GTF3C5: variants seen among roughly 807,000 people sequenced by gnomAD.
GTF3C5 encodes general transcription factor 3C polypeptide 5.
Under a neutral mutation model 61.0 loss-of-function variants are expected in GTF3C5, and 47 were observed. That is an observed-to-expected ratio of 0.77 (90% CI 0.61 to 0.98). The LOEUF (loss-of-function observed/expected upper bound fraction) is 0.98. GTF3C5 is among the 50% of genes least tolerant of loss of function. The probability of loss-of-function intolerance (pLI) is 0.00; values close to 1 mark genes in which losing one functional copy is unlikely to be tolerated. For synonymous variants in GTF3C5, 295 were observed against 275.4 expected (o/e 1.07, Z -0.71); for missense variants, 659 against 703.3 (o/e 0.94, Z 0.71).
intron 8 of GTF3C5, chr9:133,055,562 A>T (rs2119036608): frequency 1.0e-6 from 1 of 985,422 alleles, no homozygotes; most frequent in African/African-American, 1.7e-5. Flanking sequence ...ATGGCTGGGT[A>T]CGGAAAGGAG....
chr9:133,034,756 G>A (rs1285042383), intron 1 of GTF3C5, among the ~76,000 whole-genome samples: 3 of 152,310 alleles, frequency 2.0e-5, no homozygotes, highest in Middle Eastern at 3.4e-3. Flanking sequence ...TAGAGCTGGC[G>A]TCTGTGCTCA....
At chr9:133,035,408 A>G (rs1849837546) in intron 1 of GTF3C5, among the ~76,000 whole-genome samples, 1 of 152,154 alleles carries the variant, frequency 6.6e-6, no homozygotes, top group Admixed American at 6.5e-5. Context: ...GTCTTTTTGC[A>G]TATTAGACAA....
intron 3 of GTF3C5, among the ~76,000 whole-genome samples, chr9:133,044,780 C>T (rs942256228): frequency 2.6e-5 from 4 of 152,276 alleles, no homozygotes; most frequent in African/African-American, 9.6e-5. Flanking sequence ...GCGTCCCCTC[C>T]AGAACACGGT....
At chr9:133,056,975 C>CCT in intron 10 of GTF3C5, 67 bp downstream of exon 10, 2 of 1,411,376 alleles carry the variant, frequency 1.4e-6, no homozygotes, top group Non-Finnish European at 1.9e-6. Context: ...AGAGGTGTCC[C>CCT]TAAGGGGACC....
chr9:133,053,049 A>G (rs1033746273), intron 5 of GTF3C5, among the ~76,000 whole-genome samples: 2 of 152,190 alleles, frequency 1.3e-5, no homozygotes, highest in Admixed American at 1.3e-4. Flanking sequence ...CATGTTGGTC[A>G]GGCTGGTCTC....
Position 133,053,815 on chromosome 9 carries a change from T to C in GTF3C5, c.874-13T>C. 1 of 1,576,202 alleles carries C rather than the reference T, an allele frequency of 6.3e-7. No homozygotes were observed. On this transcript the variant is annotated splice_polypyrimidine_tract_variant and intron_variant, in intron 5 of 10. Coordinates refer to ENST00000372097, the MANE Select transcript of GTF3C5 (RefSeq NM_012087.4). ...TCACCTCACCTCACATTTTCCCCAC[T>C]TTTCTGTCCCAGATAACAGGCCCCT...
chr9:133,053,764 T>C, intron 5 of GTF3C5, 64 bp from the exon 6 acceptor site: 1 of 1,046,912 alleles, frequency 9.6e-7, no homozygotes, highest in Non-Finnish European at 1.5e-6. Context: ...CACTGTAGGC[T>C]CTGGCCCGTC....
intron 3 of GTF3C5, among the ~76,000 whole-genome samples, chr9:133,047,517 A>T (rs1205026990): frequency 1.3e-5 from 2 of 149,890 alleles, no homozygotes; most frequent in Admixed American, 6.6e-5. Flanking sequence ...GGGTGACATG[A>T]TCCTTCCTTT....
At chr9:133,043,309 G>A (rs1588468515) in intron 2 of GTF3C5, among the ~76,000 whole-genome samples, 1 of 152,188 alleles carries the variant, frequency 6.6e-6, no homozygotes, top group African/African-American at 2.4e-5. Context: ...TGCTCTGTGT[G>A]TGTCTCTGGA....
At chr9:133,038,306 G>A (rs1849936525) in intron 1 of GTF3C5, among the ~76,000 whole-genome samples, 1 of 152,112 alleles carries the variant, frequency 6.6e-6, no homozygotes, top group Non-Finnish European at 1.5e-5. Context: ...GAGTCTACCC[G>A]GGCGTGTGGT....
chr9:133,037,055 T>G (rs1413285941), intron 1 of GTF3C5, among the ~76,000 whole-genome samples: 1 of 152,090 alleles, frequency 6.6e-6, no homozygotes, highest in African/African-American at 2.4e-5. Context: ...GTTCTAGAAC[T>G]TGTTCTAGAA....
chr9:133,036,830 C>T (rs1356944696), intron 1 of GTF3C5, among the ~76,000 whole-genome samples: 1 of 152,176 alleles, frequency 6.6e-6, no homozygotes, highest in African/African-American at 2.4e-5. Context: ...ACGATCCCTT[C>T]GACGTGTTCA....
intron 9 of GTF3C5, 26 bp from the exon 10 acceptor site, chr9:133,056,740 T>C: frequency 2.6e-6 from 4 of 1,565,014 alleles, no homozygotes; most frequent in East Asian, 2.3e-5. Flanking sequence ...TGGGACTTTA[T>C]GTCCCAACCC....
chr9:133,057,936 G>C lies in GTF3C5; in HGVS notation c.1516G>C (p.Gly506Arg). Residue 506 changes from glycine (G) to arginine (R), a missense_variant, in exon 11 of 11, where the codon GGC (glycine) becomes CGC (arginine). By Grantham distance (125) the Gly-to-Arg change is moderately radical. Transcript: ENST00000372097. ...GGAGGAGGACTTCAAGCCATCCGAC[G>C]GCAGTGAAAACGAAATGGAGACAGA... The part of the protein sequence containing the change: ...EEEEDFKPSD[G>R]SENEMETEIL... 1 of 1,613,994 alleles carries C rather than the reference G, an allele frequency of 6.2e-7. No individual in the cohort carries two copies. Among genetic ancestry groups the C allele is most frequent in the Non-Finnish European group, 8.5e-7 (1 of 1,180,012 alleles).
At chr9:133,039,070 GGGGAAGGAACTTGTTC>G (rs1849962491) in intron 1 of GTF3C5, among the ~76,000 whole-genome samples, 1 of 152,150 alleles carries the variant, frequency 6.6e-6, no homozygotes, top group Non-Finnish European at 1.5e-5. Flanking sequence ...GTATTTTACG[GGGGAAGGAACTTGTTC>G]GAGGTCACAC....
chr9:133,050,004 A>G (rs555992411), intron 3 of GTF3C5, among the ~76,000 whole-genome samples: 96 of 152,312 alleles, frequency 6.3e-4, no homozygotes, highest in African/African-American at 2.2e-3. Flanking sequence ...TGTTTGGACA[A>G]ATGGAACCCT....
At chr9:133,039,720 A>G (rs533224856) in intron 1 of GTF3C5, among the ~76,000 whole-genome samples, 4 of 152,346 alleles carry the variant, frequency 2.6e-5, no homozygotes, top group South Asian at 4.1e-4. Flanking sequence ...ATGAGCCACC[A>G]TGCCTGGCCC....
intron 3 of GTF3C5, among the ~76,000 whole-genome samples, chr9:133,048,110 C>CA (rs1564200603): frequency 6.6e-6 from 1 of 151,728 alleles, no homozygotes; most frequent in East Asian, 1.9e-4. Flanking sequence ...GCCTGGGTGA[C>CA]AGAGTGGGAC....
At chr9:133,045,109 C>G (rs1168937483) in intron 3 of GTF3C5, among the ~76,000 whole-genome samples, 2 of 152,162 alleles carry the variant, frequency 1.3e-5, no homozygotes, top group African/African-American at 4.8e-5. Flanking sequence ...ATATAAAATC[C>G]AAGATTGAAT....
Sources: allele counts gnomAD v4.1 joint callset (sites outside exome capture counted in the v4.1 genomes callset), GRCh38; gene constraint gnomAD v4.1.1; transcripts MANE v1.5; gene names NCBI Gene and HGNC (gene_info 2026-07-23, HGNC 2026-07-21).